Variants in RBAK observed in about 807,000 individuals in gnomAD.
RBAK encodes RB-associated KRAB zinc finger protein.
RBAK carries 39 observed loss-of-function variants against 65.8 expected under a neutral mutation model. That is an observed-to-expected ratio of 0.59 (90% CI 0.46 to 0.77). The LOEUF (loss-of-function observed/expected upper bound fraction) is 0.77, where lower values mean the gene tolerates loss of function less well. Among genes scored for constraint, RBAK ranks in the 30% least tolerant of loss-of-function variants. The pLI, the probability that RBAK is intolerant of heterozygous loss-of-function variation, is 0.00. For synonymous variants in RBAK, 343 were observed against 289.7 expected (o/e 1.18, Z -1.87); for missense variants, 884 against 855.1 (o/e 1.03, Z -0.42).
Position 5,064,138 on chromosome 7 carries a change from A to G in RBAK, c.682A>G (p.Ile228Val), listed in dbSNP as rs769780680. 11 of 1,613,886 alleles carry G rather than the reference A, an allele frequency of 6.8e-6. No homozygotes were observed. Among genetic ancestry groups the G allele is most frequent in the African/African-American group, 6.7e-5 (5 of 74,940 alleles). Residue 228 changes from isoleucine (I) to valine (V), a missense_variant, in exon 5 of 5, where the codon ATA (isoleucine) becomes GTA (valine). Coordinates refer to ENST00000396912, the MANE Select transcript of RBAK (RefSeq NM_021163.4). The surrounding 1 kb of genome is among the most constrained non-coding windows in gnomAD (Gnocchi z 6.3). ...AVFIAHKRAY[I>V]GEKPYEWNDS... ...TTTTATTGCTCATAAGAGAGCTTAC[A>G]TAGGGGAGAAGCCCTATGAGTGGAA...
At position 5,063,714 on chromosome 7, in the gene RBAK, C is replaced by T. The variant is rs763095299; in HGVS notation, c.258C>T (p.Asp86=). The change falls in exon 5 of 5, where the codon GAC becomes GAT. Residue 86 remains aspartate, a synonymous_variant. Transcript: ENST00000396912. ...QHSPEAWRVD[D]LIERIQENED... is the part of the protein sequence containing the mutation. ...TTTTAGAAGCCTGGAGAGTTGATGA[C>T]CTGATAGAGAGAATCCAAGAAAACG... 3.7e-6 allele frequency: 6 copies of T among 1,608,958 alleles called. No individual in the cohort carries two copies. The highest frequency in any genetic ancestry group is 4.5e-5 in the East Asian group (2 of 44,822).
At chr7:5,051,176 G>A (rs572653551) in intron 2 of RBAK, among the ~76,000 whole-genome samples, 2 of 152,146 alleles carry the variant, frequency 1.3e-5, no homozygotes, top group South Asian at 2.1e-4. Context: ...ATATTTGATA[G>A]CATTATTTTC....
chr7:5,059,482 T>C (rs903016212), intron 4 of RBAK, among the ~76,000 whole-genome samples: 2 of 152,084 alleles, frequency 1.3e-5, no homozygotes, highest in African/African-American at 4.8e-5. Flanking sequence ...CCACCATGCC[T>C]GGCTAATTTT....
At position 5,064,357 on chromosome 7, in the gene RBAK, A is replaced by G; in HGVS notation, c.901A>G (p.Lys301Glu). ...CNVCGKSFSQ[K>E]GTLTVHRRSH... ...TGTATGTGGGAAATCCTTCAGCCAA[A>G]AGGGAACCCTCACTGTACATCGGAG... The change falls in exon 5 of 5, where the codon AAG (lysine) becomes GAG (glutamate). Residue 301 changes from lysine (K) to glutamate (E), a missense_variant. Coordinates refer to ENST00000396912, the MANE Select transcript of RBAK (RefSeq NM_021163.4). This position sits in a 1 kb window ranked among gnomAD's most constrained non-coding sequence, Gnocchi z 6.3. 1 of 1,613,996 alleles carries G rather than the reference A, an allele frequency of 6.2e-7. No individual in the cohort carries two copies. Among genetic ancestry groups the G allele is most frequent in the Non-Finnish European group, 8.5e-7 (1 of 1,179,946 alleles).
At chr7:5,057,839 A>G (rs1583458221) in intron 4 of RBAK, 60 bp downstream of exon 4, 1 of 1,596,346 alleles carries the variant, frequency 6.3e-7, no homozygotes, top group Middle Eastern at 1.7e-4. Flanking sequence ...GGGAGAGACT[A>G]AAGAGTTGTT....
Position 5,064,206 on chromosome 7 carries a change from A to T in RBAK, c.750A>T (p.Ala250=), listed in dbSNP as rs1406642796. 10 of 1,614,048 alleles carry T rather than the reference A, an allele frequency of 6.2e-6. No homozygotes were observed. The highest frequency in any genetic ancestry group is 8.5e-6 in the Non-Finnish European group (10 of 1,179,992). Residue 250 remains alanine, a synonymous_variant, in exon 5 of 5, where the codon GCA becomes GCT. Transcript: ENST00000396912. The surrounding 1 kb of genome is among the most constrained non-coding windows in gnomAD (Gnocchi z 6.3). The part of the protein sequence containing the change: ...PDFIQMSNFN[A]YQRSQMEMKP... Reference sequence around the variant, plus strand: ...TCATACAGATGTCAAATTTTAATGCATATCAGAGATCACAAATGGAAATGA... The same window carrying T: ...TCATACAGATGTCAAATTTTAATGCTTATCAGAGATCACAAATGGAAATGA...
At chr7:5,057,445 T>C (rs770420173) in intron 3 of RBAK, 24 bp downstream of exon 3, 2 of 1,614,052 alleles carry the variant, frequency 1.2e-6, no homozygotes, top group Non-Finnish European at 1.7e-6. Context: ...GCTTTCTGAA[T>C]GCTCTCAGTT....
rs748817243 is a variant in RBAK at position 5,064,367 on chromosome 7, T to G, written c.911T>G (p.Leu304Arg). The change falls in exon 5 of 5, where the codon CTC becomes CGC. Residue 304 changes from leucine to arginine, a missense_variant. Leu to Arg is a moderately radical substitution (Grantham distance 102, BLOSUM62 -2). Transcript: ENST00000396912. This position sits in a 1 kb window ranked among gnomAD's most constrained non-coding sequence, Gnocchi z 6.3. ...CGKSFSQKGTLTVHRRSHLEE... is the reference protein window; with the variant it reads ...CGKSFSQKGTRTVHRRSHLEE... ...AAATCCTTCAGCCAAAAGGGAACCC[T>G]CACTGTACATCGGAGATCACACTTA... 1.9e-6 allele frequency: 3 copies of G among 1,613,872 alleles called. No individual in the cohort carries two copies. Among genetic ancestry groups the G allele is most frequent in the African/African-American group, 2.7e-5 (2 of 74,874 alleles).
At chr7:5,062,134 A>G (rs1414588878) in intron 4 of RBAK, among the ~76,000 whole-genome samples, 2 of 152,230 alleles carry the variant, frequency 1.3e-5, no homozygotes, top group Non-Finnish European at 2.9e-5. Context: ...TATAAATTGT[A>G]ATAGATGTCT....
At chr7:5,051,672 T>C (rs2115028469) in intron 2 of RBAK, among the ~76,000 whole-genome samples, 1 of 152,364 alleles carries the variant, frequency 6.6e-6, no homozygotes, top group East Asian at 1.9e-4. Flanking sequence ...AGTGCCATTA[T>C]AATATTTGCA....
chr7:5,068,957 T>C lies in RBAK; in HGVS notation c.*3356T>C, dbSNP rs1178289808. On this transcript the variant is annotated 3_prime_UTR_variant, in exon 5 of 5. Transcript: ENST00000396912. ...TGTATGATTCCTTCTATATAAATTA[T>C]AAAGACGGGCAAAACTTGTATACGT... 1.3e-5 allele frequency: 2 copies of C among 152,206 alleles called. No individual in the cohort carries two copies. The highest frequency in any genetic ancestry group is 2.9e-5 in the Non-Finnish European group (2 of 68,028). 9.4% of individuals were successfully genotyped at this position (152,206 alleles called of 1,614,324 possible). A position where few individuals can be genotyped will look rare whatever the true frequency, so the allele number is the denominator to read the frequency against.
chr7:5,054,570 T>A (rs1272676317), intron 2 of RBAK, among the ~76,000 whole-genome samples: 3 of 151,932 alleles, frequency 2.0e-5, no homozygotes, highest in Admixed American at 2.0e-4. Context: ...AGTCCTCATG[T>A]CTCTCTCTAT....
intron 1 of RBAK, among the ~76,000 whole-genome samples, chr7:5,047,233 C>G: frequency 6.6e-6 from 1 of 152,104 alleles, no homozygotes; most frequent in South Asian, 2.1e-4. Flanking sequence ...GACCCTGACT[C>G]TACAAAAAAT....
In RBAK at chr7:5,046,335, G is replaced by A. The variant is rs763006795; in HGVS notation, c.-106G>A. ...ACCTCGCGAGCAGACGCGCGCCAGC[G>A]ACAGCAGCCCCGCCCCGGCCTCTCG... is the stretch of plus-strand genomic sequence containing the variant. On this transcript the variant is annotated 5_prime_UTR_variant, in exon 1 of 5. Transcript: ENST00000396912. 1 of 515,476 alleles carries A rather than the reference G, an allele frequency of 1.9e-6. No homozygotes were observed. Among genetic ancestry groups the A allele is most frequent in the South Asian group, 1.4e-5 (1 of 71,308 alleles). 31.9% of individuals were successfully genotyped at this position (515,476 alleles called of 1,614,324 possible).
chr7:5,052,226 T>C (rs997191517), intron 2 of RBAK, among the ~76,000 whole-genome samples: 2 of 152,230 alleles, frequency 1.3e-5, no homozygotes, highest in Middle Eastern at 3.2e-3. Flanking sequence ...CTTTTACTTA[T>C]AACGTATTTG....
rs1287155628 is a variant in RBAK, at chr7:5,063,856, G to A, written c.400G>A (p.Ala134Thr). ...ETSLVPSSIIAHNCVSCGKNL... is the reference protein window; with the variant it reads ...ETSLVPSSIITHNCVSCGKNL... The stretch of plus-strand genomic sequence containing the variant: ...AAGCCTTGTTCCTTCAAGCATAATA[G>A]CTCATAATTGTGTCTCATGTGGAAA... Residue 134 changes from alanine (A) to threonine (T), a missense_variant, in exon 5 of 5, where the codon GCT becomes ACT. Coordinates refer to ENST00000396912, the MANE Select transcript of RBAK (RefSeq NM_021163.4). 1 of 1,614,004 alleles carries A rather than the reference G, an allele frequency of 6.2e-7. No individual in the cohort carries two copies. Among genetic ancestry groups the A allele is most frequent in the East Asian group, 2.2e-5 (1 of 44,860 alleles).
Position 5,045,874 on chromosome 7 carries a change from C to G in RBAK, c.-567C>G, listed in dbSNP as rs1482192786. 3 of 341,500 alleles carry G rather than the reference C, an allele frequency of 8.8e-6. No individual in the cohort carries two copies. Among genetic ancestry groups the G allele is most frequent in the Non-Finnish European group, 1.7e-5 (3 of 179,982 alleles). 21.2% of individuals were successfully genotyped at this position (341,500 alleles called of 1,614,324 possible). A position where few individuals can be genotyped will look rare whatever the true frequency, so the allele number is the denominator to read the frequency against. On this transcript the variant is annotated 5_prime_UTR_variant, in exon 1 of 5. Transcript: ENST00000396912. ...GCCGCCGCTGCACTGCCCTCGCTTC[C>G]TGTGCGTCCTCAGGTCACCGCTTGC...
At chr7:5,056,226 G>A (rs1285175765) in intron 2 of RBAK, among the ~76,000 whole-genome samples, 1 of 149,716 alleles carries the variant, frequency 6.7e-6, no homozygotes, top group African/African-American at 2.5e-5. Flanking sequence ...TCCTGCCTTA[G>A]CCTCCCAAGT....
At chr7:5,060,039 T>C (rs1260596665) in intron 4 of RBAK, among the ~76,000 whole-genome samples, 1 of 152,232 alleles carries the variant, frequency 6.6e-6, no homozygotes, top group African/African-American at 2.4e-5. Flanking sequence ...TAGGAGTATA[T>C]GCTCTGTGAT....
Sources: allele counts gnomAD v4.1 joint callset (sites outside exome capture counted in the v4.1 genomes callset), GRCh38; gene constraint gnomAD v4.1.1; non-coding constraint Gnocchi (gnomAD v3.1); transcripts MANE v1.5; gene names NCBI Gene and HGNC (gene_info 2026-07-23, HGNC 2026-07-21).